CCSER1: variants seen among roughly 807,000 people sequenced by gnomAD.
The protein encoded by CCSER1 is coiled-coil serine rich protein 1, also known as serine-rich coiled-coil domain-containing protein 1.
CCSER1 carries 41 observed loss-of-function variants against 82.0 expected under a neutral mutation model. The ratio of observed to expected loss-of-function variants is 0.50; its 90% confidence interval spans 0.39 to 0.65. The LOEUF (loss-of-function observed/expected upper bound fraction) is 0.65. CCSER1 is among the 30% of genes least tolerant of loss of function. CCSER1 has a pLI of 0.00. For missense variants in CCSER1, 1,119 were observed against 1,064.2 expected, an observed-to-expected ratio of 1.05 and a Z score of -0.72; for synonymous variants, 414 against 383.9, an observed-to-expected ratio of 1.08 and a Z score of -0.92.
chr4:90,993,350 T>A (rs1737201352), intron 9 of CCSER1, among the ~76,000 whole-genome samples: 1 of 152,104 alleles, frequency 6.6e-6, no homozygotes, highest in South Asian at 2.1e-4. Context: ...AACTGAGTCA[T>A]CACAGTTTTT....
chr4:90,734,833 C>CTGG (rs1745389633), intron 7 of CCSER1, among the ~76,000 whole-genome samples: 1 of 152,080 alleles, frequency 6.6e-6, no homozygotes, highest in South Asian at 2.1e-4. Context: ...TTTCTGATTG[C>CTGG]TCTAGCTAGG....
At chr4:90,372,041 C>A (rs2153525930) in intron 3 of CCSER1, among the ~76,000 whole-genome samples, 1 of 152,194 alleles carries the variant, frequency 6.6e-6, no homozygotes, top group East Asian at 1.9e-4. Context: ...ACGACTTGTT[C>A]AACTACTGAT....
At chr4:90,777,661 A>G (rs1408820964) in intron 7 of CCSER1, among the ~76,000 whole-genome samples, 1 of 152,138 alleles carries the variant, frequency 6.6e-6, no homozygotes, top group East Asian at 1.9e-4. Context: ...ATTAATATCT[A>G]TTGTATATAG....
At chr4:90,532,894 C>G (rs574701937) in intron 5 of CCSER1, among the ~76,000 whole-genome samples, 2 of 152,030 alleles carry the variant, frequency 1.3e-5, no homozygotes, top group Non-Finnish European at 2.9e-5. Context: ...TCTGTTCTTA[C>G]TGTTTCTGTT....
intron 10 of CCSER1, among the ~76,000 whole-genome samples, chr4:91,459,520 G>T (rs1334005957): frequency 1.3e-5 from 2 of 152,104 alleles, no homozygotes; most frequent in Non-Finnish European, 2.9e-5. Flanking sequence ...GAAGAGCTGT[G>T]ATATACGTGG....
At chr4:90,526,943 C>T (rs1440942358) in intron 5 of CCSER1, among the ~76,000 whole-genome samples, 1 of 152,200 alleles carries the variant, frequency 6.6e-6, no homozygotes, top group Non-Finnish European at 1.5e-5. Context: ...TGAGGAATCT[C>T]CACACTGTCT....
intron 3 of CCSER1, among the ~76,000 whole-genome samples, chr4:90,392,779 C>G (rs115699137): frequency 6.6e-6 from 1 of 152,242 alleles, no homozygotes; most frequent in Non-Finnish European, 1.5e-5. Context: ...TAAATCAATA[C>G]TTAGCAAAGA....
chr4:90,607,111 T>G (rs934822215), intron 5 of CCSER1, among the ~76,000 whole-genome samples: 28 of 152,198 alleles, frequency 1.8e-4, no homozygotes, highest in African/African-American at 6.5e-4. Context: ...AGTTATGTAT[T>G]TAGTTATGGA....
chr4:90,234,218 T>C (rs1368813298), intron 1 of CCSER1, among the ~76,000 whole-genome samples: 3 of 151,844 alleles, frequency 2.0e-5, no homozygotes, highest in Non-Finnish European at 4.4e-5. Context: ...CTTATTCTTT[T>C]TTTTTTTTTT....
chr4:91,077,228 T>C (rs553557113), intron 9 of CCSER1, among the ~76,000 whole-genome samples: 1 of 152,186 alleles, frequency 6.6e-6, no homozygotes, highest in South Asian at 2.1e-4. Context: ...GGAACAGGGA[T>C]AAATTAACAC....
chr4:90,517,465 G>A (rs2153621748), intron 5 of CCSER1, among the ~76,000 whole-genome samples: 1 of 152,182 alleles, frequency 6.6e-6, no homozygotes, highest in African/African-American at 2.4e-5. Context: ...AGGTGTTGGT[G>A]CCACAAACTG....
At chr4:90,609,709 G>C (rs1333298780) in intron 5 of CCSER1, among the ~76,000 whole-genome samples, 1 of 152,142 alleles carries the variant, frequency 6.6e-6, no homozygotes, top group Non-Finnish European at 1.5e-5. Flanking sequence ...TCATAGAGAT[G>C]TTTCGCATGG....
At chr4:91,405,895 A>T (rs569617521) in intron 10 of CCSER1, among the ~76,000 whole-genome samples, 1 of 152,124 alleles carries the variant, frequency 6.6e-6, no homozygotes, top group Non-Finnish European at 1.5e-5. Flanking sequence ...AACAAGCCCC[A>T]GTGAGATGAA....
Position 91,028,794 on chromosome 4 carries a change from G to A in CCSER1, c.2173-57156G>A, listed in dbSNP as rs184293440. Among the ~76,000 whole-genome samples, 24 of 152,002 alleles carry A rather than the reference G, an allele frequency of 1.6e-4. No individual in the cohort carries two copies. In the East Asian group the frequency reaches 4.3e-3, roughly 27 times the overall value. ...CCCATGGATCTGAAAAAATTAAATT[G>A]TTGGTTTGAGACAGATGCAGTCATA... On this transcript the variant is annotated intron_variant, in intron 9 of 10. Coordinates refer to ENST00000509176, the MANE Select transcript of CCSER1 (RefSeq NM_001145065.2).
At chr4:91,230,652 G>A (rs6858247) in intron 10 of CCSER1, among the ~76,000 whole-genome samples, 2 of 151,600 alleles carry the variant, frequency 1.3e-5, no homozygotes, top group Non-Finnish European at 2.9e-5. Context: ...CAAAACAAAG[G>A]AAAGCAAGCA....
At chr4:91,210,707 G>A (rs566900059) in intron 10 of CCSER1, among the ~76,000 whole-genome samples, 1 of 151,880 alleles carries the variant, frequency 6.6e-6, no homozygotes, top group African/African-American at 2.4e-5. Context: ...GATTGAAGAA[G>A]ATAAAAGACA....
At chr4:90,578,773 A>C in intron 5 of CCSER1, among the ~76,000 whole-genome samples, 1 of 152,178 alleles carries the variant, frequency 6.6e-6, no homozygotes, top group East Asian at 1.9e-4. Context: ...TATCTAGGAA[A>C]ATCCTGATAT....
At chr4:91,416,801 T>C (rs1477675807) in intron 10 of CCSER1, among the ~76,000 whole-genome samples, 2 of 152,058 alleles carry the variant, frequency 1.3e-5, no homozygotes, top group African/African-American at 4.8e-5. Context: ...CTGGCAAAGA[T>C]TTCATGAGGA....
intron 10 of CCSER1, among the ~76,000 whole-genome samples, chr4:91,464,759 G>A (rs1756764693): frequency 6.6e-6 from 1 of 152,066 alleles, no homozygotes; most frequent in African/African-American, 2.4e-5. Context: ...AGACAAAGAA[G>A]GCCATTACAT....
Sources: allele counts gnomAD v4.1 joint callset (sites outside exome capture counted in the v4.1 genomes callset), GRCh38; gene constraint gnomAD v4.1.1; transcripts MANE v1.5; gene names NCBI Gene and HGNC (gene_info 2026-07-23, HGNC 2026-07-21).